Variants in PBX3 observed in about 807,000 individuals in gnomAD.
PBX3 encodes the protein PBX homeobox 3.
In PBX3, 14 loss-of-function variants were observed where a neutral mutation model predicts 48.5. That is an observed-to-expected ratio of 0.29 (90% CI 0.19 to 0.45). The LOEUF (loss-of-function observed/expected upper bound fraction) is 0.45, where lower values mean the gene tolerates loss of function less well. Among genes scored for constraint, PBX3 ranks in the 20% least tolerant of loss-of-function variants. The probability of loss-of-function intolerance (pLI) is 1.00; values close to 1 mark genes in which losing one functional copy is unlikely to be tolerated. For synonymous variants in PBX3, 210 were observed against 200.3 expected (o/e 1.05, Z -0.41); for missense variants, 386 against 546.7 (o/e 0.71, Z 2.93).
chr9:125,751,850 C>G (rs146374227), intron 2 of PBX3, among the ~76,000 whole-genome samples: 130 of 152,258 alleles, frequency 8.5e-4, no homozygotes, highest in Non-Finnish European at 8.2e-4. Context: ...GCCCCCACCT[C>G]TTTTTGGTCA....
intron 2 of PBX3, among the ~76,000 whole-genome samples, chr9:125,820,802 A>T (rs1838628222): frequency 1.3e-5 from 2 of 152,128 alleles, no homozygotes. Flanking sequence ...TCACATTTTG[A>T]TTCTCACTTA....
intron 5 of PBX3, among the ~76,000 whole-genome samples, chr9:125,956,823 T>G (rs188788595): frequency 4.9e-4 from 74 of 152,334 alleles, no homozygotes; most frequent in African/African-American, 1.7e-3. Context: ...TGCCTTTCTA[T>G]TCTGGGACCA....
At chr9:125,898,055 G>GC (rs1194953121) in intron 2 of PBX3, among the ~76,000 whole-genome samples, 5 of 151,756 alleles carry the variant, frequency 3.3e-5, no homozygotes, top group Admixed American at 6.6e-5. Context: ...CAAGTCAACA[G>GC]TAAATAATTA....
chr9:125,950,758 A>G (rs1437034115), intron 5 of PBX3, among the ~76,000 whole-genome samples: 1 of 152,200 alleles, frequency 6.6e-6, no homozygotes, highest in Admixed American at 6.5e-5. Context: ...TTGGGATTAC[A>G]GGTGTGAGCC....
chr9:125,902,922 T>C (rs1238982202), intron 2 of PBX3, among the ~76,000 whole-genome samples: 1 of 151,810 alleles, frequency 6.6e-6, no homozygotes, highest in African/African-American at 2.4e-5. Flanking sequence ...AATTAAATTA[T>C]GCTTTTTATT....
chr9:125,873,956 C>A (rs553736868), intron 2 of PBX3, among the ~76,000 whole-genome samples: 1 of 151,326 alleles, frequency 6.6e-6, no homozygotes, highest in African/African-American at 2.4e-5. Context: ...CAAATGCAAA[C>A]AAAAAAGAAG....
At chr9:125,960,473 A>G (rs1053312548) in intron 5 of PBX3, among the ~76,000 whole-genome samples, 1 of 152,224 alleles carries the variant, frequency 6.6e-6, no homozygotes, top group Non-Finnish European at 1.5e-5. Context: ...GGCCAACTCT[A>G]AGAAAGCAGC....
intron 5 of PBX3, among the ~76,000 whole-genome samples, chr9:125,936,928 G>T (rs1841848465): frequency 6.6e-6 from 1 of 152,134 alleles, no homozygotes; most frequent in East Asian, 1.9e-4. Context: ...AAAATTAAAA[G>T]AAGAATCGTT....
At chr9:125,764,121 A>G (rs1432830760) in intron 2 of PBX3, among the ~76,000 whole-genome samples, 1 of 152,220 alleles carries the variant, frequency 6.6e-6, no homozygotes, top group Non-Finnish European at 1.5e-5. Context: ...TAAAGACTGC[A>G]AGGACAGGGC....
chr9:125,932,908 T>C (rs994394145), intron 4 of PBX3, among the ~76,000 whole-genome samples: 1 of 152,106 alleles, frequency 6.6e-6, no homozygotes, highest in African/African-American at 2.4e-5. Flanking sequence ...CCCATAGAGA[T>C]TGCTGTTAGT....
At chr9:125,823,209 C>T (rs1280687924) in intron 2 of PBX3, among the ~76,000 whole-genome samples, 4 of 152,148 alleles carry the variant, frequency 2.6e-5, no homozygotes, top group African/African-American at 4.8e-5. Flanking sequence ...AAATGCTGAC[C>T]ATTGCTGTTG....
chr9:125,764,767 G>C (rs575992584), intron 2 of PBX3, among the ~76,000 whole-genome samples: 1 of 152,204 alleles, frequency 6.6e-6, no homozygotes, highest in South Asian at 2.1e-4. Flanking sequence ...TTGCTTTTCA[G>C]GGACAGTTAT....
chr9:125,816,298 C>G (rs905531361), intron 2 of PBX3, among the ~76,000 whole-genome samples: 3 of 152,042 alleles, frequency 2.0e-5, no homozygotes, highest in African/African-American at 4.8e-5. Context: ...GCACCCGGCT[C>G]TTCCCCCTTC....
intron 2 of PBX3, among the ~76,000 whole-genome samples, chr9:125,756,487 A>G (rs1040444653): frequency 6.6e-6 from 1 of 152,168 alleles, no homozygotes; most frequent in Non-Finnish European, 1.5e-5. Flanking sequence ...TGGAATTGCA[A>G]AATCCTGGCC....
chr9:125,854,365 G>A (rs558618267), intron 2 of PBX3, among the ~76,000 whole-genome samples: 1 of 152,028 alleles, frequency 6.6e-6, no homozygotes, highest in East Asian at 1.9e-4. Context: ...GAACTCCTGA[G>A]CTCAAGCGAT....
At chr9:125,906,173 C>A (rs953546505) in intron 2 of PBX3, among the ~76,000 whole-genome samples, 2 of 151,970 alleles carry the variant, frequency 1.3e-5, no homozygotes, top group African/African-American at 4.8e-5. Context: ...TAGTAAAGTT[C>A]ATGTTTCCTA....
At chr9:125,785,395 G>A (rs1837432077) in intron 2 of PBX3, among the ~76,000 whole-genome samples, 1 of 152,194 alleles carries the variant, frequency 6.6e-6, no homozygotes, top group Admixed American at 6.5e-5. Flanking sequence ...AACCTGGCTT[G>A]CTAAATCTTC....
chr9:125,784,311 T>A (rs774797883), intron 2 of PBX3, among the ~76,000 whole-genome samples: 2 of 152,148 alleles, frequency 1.3e-5, no homozygotes, highest in Non-Finnish European at 2.9e-5. Context: ...GTATTTTTAG[T>A]ACAGACGGGG....
intron 2 of PBX3, among the ~76,000 whole-genome samples, chr9:125,804,120 A>G (rs1838049345): frequency 6.6e-6 from 1 of 152,194 alleles, no homozygotes; most frequent in South Asian, 2.1e-4. Context: ...AGTCTTGGGG[A>G]TAACAAAAGT....
Sources: gnomAD v4.1 joint callset for allele counts (sites outside exome capture counted in the v4.1 genomes callset) on GRCh38, gnomAD v4.1.1 for gene constraint, MANE v1.5 for transcripts, NCBI Gene and HGNC (gene_info 2026-07-23, HGNC 2026-07-21) for gene names.